TAF12: variants seen among roughly 807,000 people sequenced by gnomAD.
The protein encoded by TAF12 is transcription initiation factor TFIID subunit 12.
In TAF12, 3 loss-of-function variants were observed where a neutral mutation model predicts 20.8. The ratio of observed to expected loss-of-function variants is 0.14; its 90% confidence interval spans 0.07 to 0.37. The LOEUF (loss-of-function observed/expected upper bound fraction) is 0.37. Among genes scored for constraint, TAF12 ranks in the 10% least tolerant of loss-of-function variants. TAF12 has a pLI of 1.00. For synonymous variants in TAF12, 69 were observed against 70.2 expected (o/e 0.98, Z 0.09); for missense variants, 131 against 197.9 (o/e 0.66, Z 2.03).
intron 1 of TAF12, among the ~76,000 whole-genome samples, chr1:28,626,865 G>A (rs965194118): frequency 7.9e-5 from 12 of 151,592 alleles, no homozygotes; most frequent in South Asian, 4.2e-4. Context: ...AGCCAAGATC[G>A]CACCATTGCA....
chr1:28,635,032 G>A (rs1000684194), intron 1 of TAF12, among the ~76,000 whole-genome samples: 5 of 150,948 alleles, frequency 3.3e-5, no homozygotes, highest in Non-Finnish European at 7.4e-5. Context: ...AGACCATCCT[G>A]GCTAACAGGG....
At chr1:28,645,847 G>A (rs1272204131), upstream of TAF12, among the ~76,000 whole-genome samples, 2 of 151,782 alleles carry the variant, frequency 1.3e-5, no homozygotes, top group Non-Finnish European at 2.9e-5. Flanking sequence ...CGTGCCTGTA[G>A]TCCCAAGCTA....
intron 1 of TAF12, among the ~76,000 whole-genome samples, chr1:28,640,594 C>T (rs1221458317): frequency 1.3e-5 from 2 of 152,152 alleles, no homozygotes; most frequent in Non-Finnish European, 2.9e-5. Context: ...AGTGCATAAG[C>T]TGTGCCTCGT....
chr1:28,648,124 G>A (rs1405796987), intron 1 of TAF12: 1 of 980,664 alleles, frequency 1.0e-6, no homozygotes, highest in African/African-American at 1.7e-5. Context: ...CTGCTCCAAG[G>A]TGGTGGCTAG....
intron 1 of TAF12, among the ~76,000 whole-genome samples, chr1:28,642,304 T>C (rs190123628): frequency 1.3e-5 from 2 of 152,326 alleles, no homozygotes; most frequent in Admixed American, 1.3e-4. Context: ...GTTCAGGGAA[T>C]ACTGTGAAAA....
chr1:28,615,678 CAAAAAAAAAAAAAAAAA>C (rs57536422), intron 3 of TAF12, among the ~76,000 whole-genome samples: 34 of 34,498 alleles, frequency 9.9e-4, no homozygotes, highest in African/African-American at 3.5e-3. Flanking sequence ...GACTCCGTCT[CAAAAAAAAAAAAAAAAA>C]AAAAAAAAAA....
chr1:28,617,202 C>G (rs1302593016), intron 3 of TAF12, among the ~76,000 whole-genome samples: 2 of 152,076 alleles, frequency 1.3e-5, no homozygotes, highest in African/African-American at 4.8e-5. Context: ...AAGAATGTTA[C>G]AGAAACAGCT....
chr1:28,627,850 C>T (rs997993678), intron 1 of TAF12, among the ~76,000 whole-genome samples: 3 of 151,954 alleles, frequency 2.0e-5, no homozygotes, highest in African/African-American at 7.2e-5. Context: ...CCTATAAAAA[C>T]TAAACGAAAC....
In TAF12 at chr1:28,621,944, T is replaced by G. The variant is rs752431769; in HGVS notation, c.138A>C (p.Ala46=). The G allele has an allele frequency of 6.2e-7, 1 of 1,613,766 alleles. No individual in the cohort carries two copies. The highest frequency in any genetic ancestry group is 8.5e-7 in the Non-Finnish European group (1 of 1,179,914). ...AVVKIPGTPG[A]GGRLSPENNQ... is the part of the protein sequence containing the mutation. ...TGTTTTCAGGGCTAAGACGACCTCC[T>G]GCCCCAGGAGTGCCTGGTATCTTTA... Residue 46 remains alanine (A), a synonymous_variant, in exon 2 of 6, where the codon GCA becomes GCC. Coordinates refer to ENST00000373824, the MANE Select transcript of TAF12 (RefSeq NM_005644.4).
chr1:28,641,128 G>A (rs1273384985), intron 1 of TAF12, among the ~76,000 whole-genome samples: 3 of 151,948 alleles, frequency 2.0e-5, no homozygotes, highest in African/African-American at 4.8e-5. Flanking sequence ...CTGTATTAAT[G>A]TCAATACAGT....
chr1:28,614,582 T>G (rs2124317113), intron 3 of TAF12, among the ~76,000 whole-genome samples: 1 of 150,904 alleles, frequency 6.6e-6, no homozygotes, highest in African/African-American at 2.4e-5. Context: ...ACTCTGGAGG[T>G]TGAGGCAGGA....
At chr1:28,644,881 T>C (rs1557479263), upstream of TAF12, among the ~76,000 whole-genome samples, 1 of 152,164 alleles carries the variant, frequency 6.6e-6, no homozygotes, top group African/African-American at 2.4e-5. Context: ...GGGAAGGTGT[T>C]GGAAGAACGG....
At chr1:28,638,547 G>A (rs1228487993) in intron 1 of TAF12, among the ~76,000 whole-genome samples, 3 of 148,130 alleles carry the variant, frequency 2.0e-5, no homozygotes, top group Admixed American at 6.8e-5. Context: ...CTGGAGTGGC[G>A]CAATATCGGC....
At chr1:28,617,608 G>A (rs566039714) in intron 3 of TAF12, among the ~76,000 whole-genome samples, 29 of 151,746 alleles carry the variant, frequency 1.9e-4, no homozygotes, top group Middle Eastern at 3.4e-3. Context: ...CACCATGCCC[G>A]GCTAATTTTG....
At chr1:28,626,124 G>A (rs1667377672) in intron 1 of TAF12, among the ~76,000 whole-genome samples, 4 of 151,698 alleles carry the variant, frequency 2.6e-5, no homozygotes, top group African/African-American at 7.3e-5. Flanking sequence ...GATTACAGGC[G>A]CACACCACCA....
intron 4 of TAF12, among the ~76,000 whole-genome samples, chr1:28,610,663 T>C (rs1250036886): frequency 2.0e-5 from 3 of 151,804 alleles, no homozygotes; most frequent in Non-Finnish European, 4.4e-5. Flanking sequence ...ACCCTCCTGC[T>C]ATCAAGAGGT....
chr1:28,623,035 A>C, intron 1 of TAF12, among the ~76,000 whole-genome samples: 1 of 150,234 alleles, frequency 6.7e-6, no homozygotes, highest in Non-Finnish European at 1.5e-5. Flanking sequence ...CCACCGCCCC[A>C]CAAAAAAAAA....
At chr1:28,621,642 C>G (rs113189236) in intron 2 of TAF12, among the ~76,000 whole-genome samples, 12 of 152,220 alleles carry the variant, frequency 7.9e-5, no homozygotes, top group African/African-American at 2.6e-4. Context: ...AAACATTGTA[C>G]ATGATAATTT....
intron 3 of TAF12, 55 bp from the exon 4 acceptor site, chr1:28,613,416 T>C: frequency 1.4e-6 from 2 of 1,450,796 alleles, no homozygotes; most frequent in African/African-American, 1.4e-5. Context: ...TAGGCTCCTG[T>C]TGCTGGGACA....
Sources: allele counts gnomAD v4.1 joint callset (sites outside exome capture counted in the v4.1 genomes callset), GRCh38; gene constraint gnomAD v4.1.1; transcripts MANE v1.5; gene names NCBI Gene and HGNC (gene_info 2026-07-23, HGNC 2026-07-21).